CPPED1: variants seen among roughly 807,000 people sequenced by gnomAD.
The protein encoded by CPPED1 is serine/threonine-protein phosphatase CPPED1.
A neutral mutation model predicts 28.0 loss-of-function variants in CPPED1; 28 were observed. The ratio of observed to expected loss-of-function variants is 1.00; its 90% confidence interval spans 0.74 to 1.37. CPPED1 has a LOEUF of 1.37. CPPED1 is among the 40% of genes most tolerant of loss of function. The probability of loss-of-function intolerance (pLI) is 0.00; values close to 1 mark genes in which losing one functional copy is unlikely to be tolerated. For synonymous variants in CPPED1, 198 were observed against 180.2 expected (o/e 1.10, Z -0.79); for missense variants, 504 against 416.5 (o/e 1.21, Z -1.83).
rs1713475 is a variant in CPPED1 at position 12,670,895 on chromosome 16, T to G, written c.716-5780A>C. ...AGGTGGAGTCTCACTGTGACGCCCATGCTGAAGTACAGTGGTGCGATCTCG... is the reference window on the plus strand; with the variant it reads ...AGGTGGAGTCTCACTGTGACGCCCAGGCTGAAGTACAGTGGTGCGATCTCG... On this transcript the variant is annotated intron_variant, in intron 3 of 3. Coordinates refer to ENST00000381774, the MANE Select transcript of CPPED1 (RefSeq NM_018340.3). This position sits in a 1 kb window ranked among gnomAD's most constrained non-coding sequence, Gnocchi z 4.2. Among the ~76,000 whole-genome samples, 138,341 of 152,214 alleles carry G rather than the reference T, an allele frequency of 0.91. 63,458 individuals carry two copies. The highest frequency in any genetic ancestry group is 0.95 in the Non-Finnish European group (64,756 of 68,022).
chr16:12,694,979 T>C (rs893624382), intron 3 of CPPED1, among the ~76,000 whole-genome samples: 2 of 152,098 alleles, frequency 1.3e-5, no homozygotes, highest in Non-Finnish European at 2.9e-5. Flanking sequence ...GGTTTCACCA[T>C]GTTGGCCAGG....
At chr16:12,721,528 G>A (rs545252354) in intron 2 of CPPED1, among the ~76,000 whole-genome samples, 5 of 152,148 alleles carry the variant, frequency 3.3e-5, no homozygotes, top group South Asian at 2.1e-4. Flanking sequence ...TGAGGCAGGC[G>A]CATCTCCTGA....
chr16:12,725,464 A>AT (rs1450336170), intron 2 of CPPED1, among the ~76,000 whole-genome samples: 2 of 151,994 alleles, frequency 1.3e-5, no homozygotes, highest in East Asian at 3.9e-4. Context: ...ATAGGCTTTT[A>AT]TTTTTTTCAC....
chr16:12,769,743 C>A (rs186411622), intron 2 of CPPED1, among the ~76,000 whole-genome samples: 4 of 152,238 alleles, frequency 2.6e-5, no homozygotes, highest in Admixed American at 2.0e-4. Context: ...CCACACGCGA[C>A]CTGCTGGAAA....
At chr16:12,698,748 A>G (rs1163105391) in intron 3 of CPPED1, among the ~76,000 whole-genome samples, 1 of 152,182 alleles carries the variant, frequency 6.6e-6, no homozygotes, top group Admixed American at 6.5e-5. Flanking sequence ...GAAATCTTAA[A>G]ACTATAACCA....
intron 2 of CPPED1, among the ~76,000 whole-genome samples, chr16:12,777,523 A>C (rs2080504576): frequency 2.0e-5 from 3 of 152,228 alleles, no homozygotes; most frequent in African/African-American, 7.2e-5. Flanking sequence ...AATGTGGCTT[A>C]CCCCATAGAG....
intron 2 of CPPED1, among the ~76,000 whole-genome samples, chr16:12,774,237 G>T (rs1040591574): frequency 2.6e-5 from 4 of 152,040 alleles, no homozygotes; most frequent in African/African-American, 9.7e-5. Context: ...TTTGGGAGGC[G>T]AGGAGGGCAA....
chr16:12,747,117 G>C (rs1426222872), intron 2 of CPPED1, among the ~76,000 whole-genome samples: 1 of 150,406 alleles, frequency 6.6e-6, no homozygotes, highest in Non-Finnish European at 1.5e-5. Context: ...AACATGGTAG[G>C]TTTGAATTCT....
At chr16:12,758,547 G>A (rs1417455247) in intron 2 of CPPED1, among the ~76,000 whole-genome samples, 1 of 152,156 alleles carries the variant, frequency 6.6e-6, no homozygotes, top group Non-Finnish European at 1.5e-5. Flanking sequence ...GCCTGGCATT[G>A]TTCCCATTCA....
intron 1 of CPPED1, among the ~76,000 whole-genome samples, chr16:12,786,646 C>A (rs946824425): frequency 3.9e-5 from 6 of 152,276 alleles, no homozygotes; most frequent in African/African-American, 1.2e-4. Flanking sequence ...TTGGGTTGGG[C>A]ATGGTGGCTC....
intron 2 of CPPED1, among the ~76,000 whole-genome samples, chr16:12,708,677 C>T (rs1042615023): frequency 2.6e-5 from 4 of 152,214 alleles, no homozygotes; most frequent in South Asian, 2.1e-4. Flanking sequence ...TGATCTTTAA[C>T]AAGCTCTCAT....
At chr16:12,713,801 A>G (rs1466886436) in intron 2 of CPPED1, among the ~76,000 whole-genome samples, 4 of 152,168 alleles carry the variant, frequency 2.6e-5, no homozygotes, top group African/African-American at 9.7e-5. Flanking sequence ...ATATAAATAC[A>G]CAAACAATAT....
At chr16:12,722,450 T>C (rs2080146516) in intron 2 of CPPED1, among the ~76,000 whole-genome samples, 1 of 152,180 alleles carries the variant, frequency 6.6e-6, no homozygotes, top group Non-Finnish European at 1.5e-5. Context: ...TGTCAAATCC[T>C]TTCCCAGCTG....
intron 1 of CPPED1, among the ~76,000 whole-genome samples, chr16:12,782,368 G>A (rs2080536977): frequency 6.6e-6 from 1 of 152,116 alleles, no homozygotes; most frequent in Admixed American, 6.6e-5. Flanking sequence ...AATAGCATCT[G>A]GAACTTCCAA....
intron 2 of CPPED1, among the ~76,000 whole-genome samples, chr16:12,746,488 C>A (rs1335537624): frequency 3.4e-5 from 5 of 147,102 alleles, no homozygotes; most frequent in Non-Finnish European, 7.5e-5. Flanking sequence ...CAGCCTGGGG[C>A]TGGTTACAAA....
At position 12,743,710 on chromosome 16, in the gene CPPED1, C is replaced by T. The variant is rs145575195; in HGVS notation, c.289+37475G>A. ...GAAATCCACGTGCTCAGAAAACATA[C>T]GAAAGACACTCGGCTGAGCACGGTG... On this transcript the variant is annotated intron_variant, in intron 2 of 3. Coordinates refer to ENST00000381774, the MANE Select transcript of CPPED1 (RefSeq NM_018340.3). 1.9e-3 allele frequency among the ~76,000 whole-genome samples: 285 copies of T among 152,256 alleles called. 7 individuals carry two copies. The highest frequency in any genetic ancestry group is 0.016 in the Admixed American group (244 of 15,290).
intron 2 of CPPED1, among the ~76,000 whole-genome samples, chr16:12,713,659 C>A (rs2080091863): frequency 6.6e-6 from 1 of 152,118 alleles, no homozygotes; most frequent in African/African-American, 2.4e-5. Context: ...CCACACCTGG[C>A]TATAAATCTC....
Position 12,663,742 on chromosome 16 carries a change from AT to A in CPPED1, c.*1143del, listed in dbSNP as rs1204764564. ...TAGGATTACTGAGTGCTGTTTCATA[AT>A]GCTGTATATTTTTCCTGCCAGGATT... On this transcript the variant is annotated 3_prime_UTR_variant, in exon 4 of 4. Coordinates refer to ENST00000381774, the MANE Select transcript of CPPED1 (RefSeq NM_018340.3). 6.6e-6 allele frequency: 1 copy of A among 152,194 alleles called. No homozygotes were observed. The highest frequency in any genetic ancestry group is 1.9e-4 in the East Asian group (1 of 5,190). 9.4% of individuals were successfully genotyped at this position (152,194 alleles called of 1,614,324 possible). A position where few individuals can be genotyped will look rare whatever the true frequency, so the allele number is the denominator to read the frequency against.
chr16:12,705,484 G>A (rs1043572402), intron 2 of CPPED1, among the ~76,000 whole-genome samples: 1 of 152,194 alleles, frequency 6.6e-6, no homozygotes, highest in African/African-American at 2.4e-5. Context: ...TAGGCTGGGC[G>A]TGGTGGCTCA....
Sources: gnomAD v4.1 joint callset for allele counts (sites outside exome capture counted in the v4.1 genomes callset) on GRCh38, gnomAD v4.1.1 for gene constraint, Gnocchi (gnomAD v3.1) non-coding constraint, MANE v1.5 for transcripts, NCBI Gene and HGNC (gene_info 2026-07-23, HGNC 2026-07-21) for gene names.